GPC5: variants seen among roughly 807,000 people sequenced by gnomAD.
GPC5 encodes glypican 5, also known as glypican-5.
In GPC5, 47 loss-of-function variants were observed where a neutral mutation model predicts 53.9. The ratio of observed to expected loss-of-function variants is 0.87; its 90% confidence interval spans 0.69 to 1.11. The LOEUF is 1.11. GPC5 is among the 50% of genes most tolerant of loss of function. GPC5 has a pLI of 0.00. For synonymous variants in GPC5, 286 were observed against 263.3 expected (o/e 1.09, Z -0.84); for missense variants, 748 against 713.1 (o/e 1.05, Z -0.56).
At chr13:92,645,281 G>T (rs576995017) in intron 7 of GPC5, among the ~76,000 whole-genome samples, 4 of 152,172 alleles carry the variant, frequency 2.6e-5, no homozygotes, top group Non-Finnish European at 5.9e-5. Flanking sequence ...AAGTAGCTGG[G>T]ACTACAGTGC....
In GPC5 at chr13:91,860,445, A is replaced by ATATC. The variant is rs536449912; in HGVS notation, c.1281-47487_1281-47484dup. On this transcript the variant is annotated intron_variant, in intron 5 of 7. Coordinates refer to ENST00000377067, the MANE Select transcript of GPC5 (RefSeq NM_004466.6). ...ATAGTACTTCATCATGTATATATAT[A>ATATC]TATCTATCCTTCCTTCCTTCCTTCC... Among the ~76,000 whole-genome samples the ATATC allele has an allele frequency of 5.0e-4, 72 of 143,080 alleles. 1 individual carries two copies. The South Asian group carries it at 0.015, about 30-fold the overall frequency. 93.9% of individuals were successfully genotyped at this position (143,080 alleles called of 152,430 possible).
chr13:92,531,866 TATC>T (rs1881577304), intron 7 of GPC5, among the ~76,000 whole-genome samples: 1 of 152,200 alleles, frequency 6.6e-6, no homozygotes, highest in East Asian at 1.9e-4. Flanking sequence ...GTAATATGGT[TATC>T]ATTTCACACA....
chr13:92,165,116 G>T, intron 7 of GPC5, among the ~76,000 whole-genome samples: 1 of 152,298 alleles, frequency 6.6e-6, no homozygotes, highest in East Asian at 1.9e-4. Flanking sequence ...ACATGCCCTG[G>T]AGACATTTTC....
chr13:92,500,096 A>G (rs1220158147), intron 7 of GPC5, among the ~76,000 whole-genome samples: 1 of 152,168 alleles, frequency 6.6e-6, no homozygotes, highest in African/African-American at 2.4e-5. Context: ...AGCCTGAAAG[A>G]TGGAAGCAGG....
intron 1 of GPC5, among the ~76,000 whole-genome samples, chr13:91,411,524 C>T (rs746352721): frequency 2.0e-5 from 3 of 152,196 alleles, no homozygotes; most frequent in Non-Finnish European, 4.4e-5. Context: ...TACAGAAGGA[C>T]TGGGCAAGTG....
At chr13:92,611,477 T>A (rs1646180983) in intron 7 of GPC5, among the ~76,000 whole-genome samples, 1 of 152,030 alleles carries the variant, frequency 6.6e-6, no homozygotes, top group South Asian at 2.1e-4. Flanking sequence ...ATATTTAAAT[T>A]CCAGTAACAT....
chr13:91,404,757 T>A (rs1419504011), intron 1 of GPC5, among the ~76,000 whole-genome samples: 1 of 152,260 alleles, frequency 6.6e-6, no homozygotes, highest in Non-Finnish European at 1.5e-5. Flanking sequence ...TATGGAAGAA[T>A]GTATGTTTTC....
At chr13:92,540,586 C>T (rs928939731) in intron 7 of GPC5, among the ~76,000 whole-genome samples, 2 of 151,682 alleles carry the variant, frequency 1.3e-5, no homozygotes, top group African/African-American at 2.4e-5. Context: ...ATTGATTTGA[C>T]CAGCTTATTT....
rs72641072 is a variant in GPC5 at position 92,732,003 on chromosome 13, C to A, written c.1562-134279C>A. On this transcript the variant is annotated intron_variant, in intron 7 of 7. Transcript: ENST00000377067. ...GATGGTGTAAAAGTACCATAAGAAT[C>A]TGTTCTTTATGTCTGTGCAAGGAGA... Among the ~76,000 whole-genome samples the A allele has an allele frequency of 6.1e-3, 919 of 151,358 alleles. 6 individuals carry two copies. Among genetic ancestry groups the A allele is most frequent in the South Asian group, 0.015 (74 of 4,814 alleles).
At chr13:92,461,543 T>C (rs1224918568) in intron 7 of GPC5, among the ~76,000 whole-genome samples, 1 of 152,238 alleles carries the variant, frequency 6.6e-6, no homozygotes, top group Non-Finnish European at 1.5e-5. Flanking sequence ...GTTTGTGTCC[T>C]GCTCCGTTCC....
intron 5 of GPC5, among the ~76,000 whole-genome samples, chr13:91,776,134 A>C (rs2037707783): frequency 6.6e-6 from 1 of 152,146 alleles, no homozygotes; most frequent in Admixed American, 6.5e-5. Flanking sequence ...GAAGATCATC[A>C]ATGTTGGACC....
At position 91,838,313 on chromosome 13, in the gene GPC5, T is replaced by G. The variant is rs180703681; in HGVS notation, c.1281-69624T>G. Reference sequence around the variant, plus strand: ...GGATCCAGTAACTAAAAGGACACTCTTAGCTCAATAGGTGCTTCAGGCCCT... The same window carrying G: ...GGATCCAGTAACTAAAAGGACACTCGTAGCTCAATAGGTGCTTCAGGCCCT... On this transcript the variant is annotated intron_variant, in intron 5 of 7. Transcript: ENST00000377067. Among the ~76,000 whole-genome samples the G allele has an allele frequency of 2.5e-3, 384 of 152,146 alleles. 3 individuals are homozygous for G. Among genetic ancestry groups the G allele is most frequent in the Non-Finnish European group, 3.7e-3 (250 of 68,012 alleles).
intron 7 of GPC5, among the ~76,000 whole-genome samples, chr13:92,174,394 G>T (rs979499298): frequency 1.3e-5 from 2 of 151,600 alleles, no homozygotes; most frequent in East Asian, 1.9e-4. Flanking sequence ...AAATGGCCGG[G>T]TGTGGTGGCG....
chr13:91,972,342 T>C (rs553173700), intron 6 of GPC5, among the ~76,000 whole-genome samples: 1 of 152,218 alleles, frequency 6.6e-6, no homozygotes, highest in African/African-American at 2.4e-5. Context: ...CATCCCTTTA[T>C]TTTAAGCCTA....
chr13:92,575,360 G>C (rs182010036), intron 7 of GPC5, among the ~76,000 whole-genome samples: 1 of 152,074 alleles, frequency 6.6e-6, no homozygotes, highest in Non-Finnish European at 1.5e-5. Flanking sequence ...GACACATTGG[G>C]GAAAAGGCCA....
chr13:92,792,223 C>A (rs191741991), intron 7 of GPC5, among the ~76,000 whole-genome samples: 8 of 152,010 alleles, frequency 5.3e-5, no homozygotes, highest in African/African-American at 1.4e-4. Context: ...CGGCAGAAAC[C>A]CTACAAGCCA....
At chr13:92,621,647 CCT>C (rs1884873103) in intron 7 of GPC5, among the ~76,000 whole-genome samples, 1 of 151,954 alleles carries the variant, frequency 6.6e-6, no homozygotes. Context: ...TGGTGGAACC[CCT>C]GTCTCTACTA....
intron 6 of GPC5, among the ~76,000 whole-genome samples, chr13:91,958,437 A>ACTT: frequency 6.6e-6 from 1 of 152,162 alleles, no homozygotes; most frequent in East Asian, 1.9e-4. Flanking sequence ...ATAGTTGGGG[A>ACTT]CTTCTGCACT....
At chr13:92,756,997 G>A (rs1026485806) in intron 7 of GPC5, among the ~76,000 whole-genome samples, 9 of 151,892 alleles carry the variant, frequency 5.9e-5, no homozygotes, top group East Asian at 3.9e-4. Flanking sequence ...AGTTCATATG[G>A]AACCAAAAAA....
Sources: allele counts gnomAD v4.1 joint callset (sites outside exome capture counted in the v4.1 genomes callset), GRCh38; gene constraint gnomAD v4.1.1; transcripts MANE v1.5; gene names NCBI Gene and HGNC (gene_info 2026-07-23, HGNC 2026-07-21).